The following FILIP1 variants were observed in gnomAD, a reference collection of about 807,000 sequenced individuals.
FILIP1 encodes filamin A interacting protein 1.
Under a neutral mutation model 102.1 loss-of-function variants are expected in FILIP1, and 61 were observed. The observed-to-expected ratio is 0.60, with a 90% confidence interval of 0.49 to 0.74. The LOEUF is 0.74. FILIP1 is among the 30% of genes least tolerant of loss of function. The pLI, the probability that FILIP1 is intolerant of heterozygous loss-of-function variation, is 0.00. For missense variants in FILIP1, 1,314 were observed against 1,441.2 expected, an observed-to-expected ratio of 0.91 and a Z score of 1.43; for synonymous variants, 491 against 526.9, an observed-to-expected ratio of 0.93 and a Z score of 0.93.
intron 2 of FILIP1, among the ~76,000 whole-genome samples, chr6:75,377,189 T>C (rs1030317864): frequency 1.3e-5 from 2 of 152,174 alleles, no homozygotes; most frequent in African/African-American, 4.8e-5. Context: ...TCTTTAACAA[T>C]ATTCCCATTG....
intron 1 of FILIP1, among the ~76,000 whole-genome samples, chr6:75,488,107 C>T (rs1479761057): frequency 6.6e-6 from 1 of 152,128 alleles, no homozygotes; most frequent in Non-Finnish European, 1.5e-5. Flanking sequence ...ATTGACACCA[C>T]TTCCCAAAAA....
At chr6:75,319,367 A>G (rs1343638929) in intron 4 of FILIP1, 2 of 629,202 alleles carry the variant, frequency 3.2e-6, no homozygotes, top group Non-Finnish European at 6.1e-6. Flanking sequence ...AAAAGGCCGA[A>G]GGAGAGCTCT....
At chr6:75,456,931 T>C (rs1473612853) in intron 1 of FILIP1, among the ~76,000 whole-genome samples, 1 of 152,222 alleles carries the variant, frequency 6.6e-6, no homozygotes, top group Admixed American at 6.5e-5. Flanking sequence ...CTAAATGATA[T>C]GGAAGTTTGT....
At chr6:75,298,279 A>G (rs573315694) in intron 6 of FILIP1, among the ~76,000 whole-genome samples, 1 of 152,356 alleles carries the variant, frequency 6.6e-6, no homozygotes, top group East Asian at 1.9e-4. Flanking sequence ...CAAATGTGTT[A>G]TTAAAACAAA....
intron 3 of FILIP1, among the ~76,000 whole-genome samples, chr6:75,355,195 C>T (rs1475744083): frequency 6.6e-6 from 1 of 151,250 alleles, no homozygotes; most frequent in Non-Finnish European, 1.5e-5. Flanking sequence ...CTTGGGAGGC[C>T]GAGGCAGAAA....
intron 1 of FILIP1, among the ~76,000 whole-genome samples, chr6:75,432,411 T>C (rs1777853645): frequency 6.6e-6 from 1 of 152,244 alleles, no homozygotes; most frequent in African/African-American, 2.4e-5. Flanking sequence ...TGTGTCAGCA[T>C]GGACCTCACA....
At chr6:75,447,086 G>A (rs948012848) in intron 1 of FILIP1, among the ~76,000 whole-genome samples, 4 of 152,002 alleles carry the variant, frequency 2.6e-5, no homozygotes, top group South Asian at 2.1e-4. Flanking sequence ...AGTCAAAACC[G>A]AAAAAGAAAC....
At chr6:75,352,516 C>T (rs1774842084) in intron 4 of FILIP1, among the ~76,000 whole-genome samples, 1 of 152,142 alleles carries the variant, frequency 6.6e-6, no homozygotes, top group African/African-American at 2.4e-5. Context: ...TCTTAGAAGA[C>T]TAAATGAAAA....
chr6:75,294,679 TTTTTGTGTGTGTGTGGGTTTGTC>T (rs2149529608), exon 7 of FILIP1: 2 of 151,716 alleles, frequency 1.3e-5, no homozygotes, highest in African/African-American at 4.8e-5. Flanking sequence ...GTTTTGGGGG[TTTTTGTGTGTGTGTGGGTTTGTC>T]TTTGTTTTGA....
chr6:75,382,585 A>T (rs1582422774), intron 2 of FILIP1, among the ~76,000 whole-genome samples: 1 of 152,184 alleles, frequency 6.6e-6, no homozygotes, highest in African/African-American at 2.4e-5. Context: ...ACAGGGTACC[A>T]TATCTCTTTT....
intron 2 of FILIP1, among the ~76,000 whole-genome samples, chr6:75,364,729 T>C (rs1775273353): frequency 6.6e-6 from 1 of 152,172 alleles, no homozygotes; most frequent in South Asian, 2.1e-4. Context: ...ATTCCAAAGT[T>C]GAGAGTACTG....
At chr6:75,369,759 A>C (rs1372497126) in intron 2 of FILIP1, among the ~76,000 whole-genome samples, 3 of 152,222 alleles carry the variant, frequency 2.0e-5, no homozygotes, top group Non-Finnish European at 4.4e-5. Flanking sequence ...GTAGATGATA[A>C]GTAGTTTAAA....
At chr6:75,425,967 TTTCTTTAAGAGGCAGACATTAAA>T (rs1399267790) in intron 1 of FILIP1, among the ~76,000 whole-genome samples, 1 of 152,158 alleles carries the variant, frequency 6.6e-6, no homozygotes, top group Non-Finnish European at 1.5e-5. Flanking sequence ...TGGCAAACAT[TTTCTTTAAGAGGCAGACATTAAA>T]TATTTTAGGC....
intron 1 of FILIP1, among the ~76,000 whole-genome samples, chr6:75,429,737 AAG>A (rs1429093078): frequency 1.3e-5 from 2 of 152,200 alleles, no homozygotes; most frequent in African/African-American, 4.8e-5. Context: ...GCAGAAAGTG[AAG>A]AGAAGGTTCT....
At chr6:75,319,519 C>T in intron 4 of FILIP1, 1 of 574,622 alleles carries the variant, frequency 1.7e-6, no homozygotes, top group Non-Finnish European at 3.4e-6. Context: ...TGGTCTTCTA[C>T]CTCTCTGAGC....
chr6:75,358,383 A>T (rs901895199), intron 3 of FILIP1: 1 of 152,232 alleles, frequency 6.6e-6, no homozygotes, highest in Non-Finnish European at 1.5e-5. Context: ...TATTTCAGAC[A>T]TTGTTGAATC....
chr6:75,377,340 T>C (rs576183735), intron 2 of FILIP1, among the ~76,000 whole-genome samples: 5 of 152,344 alleles, frequency 3.3e-5, no homozygotes, highest in African/African-American at 1.2e-4. Context: ...AAATGCCAAA[T>C]AGTCAATTGC....
At chr6:75,453,946 C>G in intron 1 of FILIP1, 1 of 456,592 alleles carries the variant, frequency 2.2e-6, no homozygotes, top group South Asian at 1.5e-5. Context: ...ACAAAGAACA[C>G]TGTATTAGTT....
At chr6:75,353,233 T>C (rs1774871377) in intron 4 of FILIP1, among the ~76,000 whole-genome samples, 1 of 151,846 alleles carries the variant, frequency 6.6e-6, no homozygotes, top group Non-Finnish European at 1.5e-5. Context: ...TAAAAAGAAA[T>C]ACATGATAAA....
Sources: allele counts gnomAD v4.1 joint callset (sites outside exome capture counted in the v4.1 genomes callset), GRCh38; gene constraint gnomAD v4.1.1; transcripts MANE v1.5; gene names NCBI Gene and HGNC (gene_info 2026-07-23, HGNC 2026-07-21).